Variants in EPC2 observed in about 807,000 individuals in gnomAD.
EPC2 encodes the protein enhancer of polycomb 2.
EPC2 carries 14 observed loss-of-function variants against 92.1 expected under a neutral mutation model. The ratio of observed to expected loss-of-function variants is 0.15; its 90% CI spans 0.10 to 0.24. EPC2 has a LOEUF of 0.24. Ranked by LOEUF, EPC2 falls within the 10% of genes least tolerant of loss-of-function variation. The probability of loss-of-function intolerance (pLI) is 1.00; values close to 1 mark genes in which losing one functional copy is unlikely to be tolerated. For synonymous variants in EPC2, 340 were observed against 334.7 expected (o/e 1.02, Z -0.17); for missense variants, 755 against 971.5 (o/e 0.78, Z 2.96).
At chr2:148,669,050 T>C (rs1681105963) in intron 1 of EPC2, among the ~76,000 whole-genome samples, 1 of 152,194 alleles carries the variant, frequency 6.6e-6, no homozygotes, top group South Asian at 2.1e-4. Flanking sequence ...CCTGTTGTAT[T>C]TTCATTTAGT....
chr2:148,710,567 C>G (rs1375422194), intron 2 of EPC2, among the ~76,000 whole-genome samples: 2 of 152,182 alleles, frequency 1.3e-5, no homozygotes, highest in South Asian at 2.1e-4. Flanking sequence ...TATTGTGGCA[C>G]TTTTCACAGT....
chr2:148,767,311 CAT>C (rs922011536), intron 7 of EPC2, among the ~76,000 whole-genome samples: 1 of 152,020 alleles, frequency 6.6e-6, no homozygotes, highest in Non-Finnish European at 1.5e-5. Flanking sequence ...CATAACTACT[CAT>C]ATGTTTCTCA....
chr2:148,691,624 T>G (rs1296526078), intron 2 of EPC2: 1 of 1,550,052 alleles, frequency 6.5e-7, no homozygotes, highest in South Asian at 1.2e-5. Flanking sequence ...CTGCCAGGCA[T>G]TTGGGGACAC....
At chr2:148,737,343 A>G (rs1385906838) in intron 2 of EPC2, among the ~76,000 whole-genome samples, 1 of 152,122 alleles carries the variant, frequency 6.6e-6, no homozygotes, top group Non-Finnish European at 1.5e-5. Flanking sequence ...TAAAAGTCCT[A>G]TCTATAAAAT....
intron 10 of EPC2, among the ~76,000 whole-genome samples, chr2:148,776,856 C>CTTTTTTTTTTTTTT (rs56073706): frequency 2.4e-4 from 24 of 101,026 alleles, no homozygotes; most frequent in East Asian, 6.8e-4. Flanking sequence ...GTCTCTCTCT[C>CTTTTTTTTTTTTTT]TTTTTTTTTT....
intron 4 of EPC2, among the ~76,000 whole-genome samples, chr2:148,757,134 T>C (rs1683206210): frequency 6.6e-6 from 1 of 152,118 alleles, no homozygotes; most frequent in East Asian, 1.9e-4. Context: ...CCCAGCACTT[T>C]CGGAGACTGA....
At chr2:148,724,235 T>G (rs1396202588) in intron 2 of EPC2, among the ~76,000 whole-genome samples, 1 of 152,072 alleles carries the variant, frequency 6.6e-6, no homozygotes, top group Admixed American at 6.6e-5. Flanking sequence ...TTTTTCTCAA[T>G]ATTTTTGTTT....
chr2:148,663,248 A>G (rs1680979631), intron 1 of EPC2, among the ~76,000 whole-genome samples: 1 of 120,710 alleles, frequency 8.3e-6, no homozygotes, highest in South Asian at 2.5e-4. Context: ...ATTTTGAGAC[A>G]GAGTCTCTCG....
intron 8 of EPC2, among the ~76,000 whole-genome samples, chr2:148,769,506 A>G (rs1259729651): frequency 6.6e-6 from 1 of 152,192 alleles, no homozygotes; most frequent in Non-Finnish European, 1.5e-5. Context: ...AGCAGCTGTG[A>G]AAATTACTCA....
chr2:148,785,296 CTA>C (rs898167137), intron 13 of EPC2, among the ~76,000 whole-genome samples: 4 of 152,044 alleles, frequency 2.6e-5, no homozygotes, highest in Non-Finnish European at 5.9e-5. Flanking sequence ...ACATCAGAGT[CTA>C]TGTTAGAAGC....
intron 2 of EPC2, among the ~76,000 whole-genome samples, chr2:148,707,915 C>T (rs544882813): frequency 6.6e-6 from 1 of 152,116 alleles, no homozygotes; most frequent in African/African-American, 2.4e-5. Flanking sequence ...AAAATTGACA[C>T]CCTAACATCA....
chr2:148,714,580 T>G (rs1682219355), intron 2 of EPC2, among the ~76,000 whole-genome samples: 2 of 152,162 alleles, frequency 1.3e-5, no homozygotes, highest in South Asian at 4.1e-4. Flanking sequence ...ATCTGTTGTT[T>G]TTTGACTTTT....
At chr2:148,712,336 C>T (rs1018241353) in intron 2 of EPC2, among the ~76,000 whole-genome samples, 1 of 152,052 alleles carries the variant, frequency 6.6e-6, no homozygotes, top group African/African-American at 2.4e-5. Flanking sequence ...TAATGCTTCA[C>T]AGGTTGTACA....
intron 7 of EPC2, among the ~76,000 whole-genome samples, chr2:148,768,341 A>T (rs1367546756): frequency 6.6e-6 from 1 of 152,206 alleles, no homozygotes; most frequent in African/African-American, 2.4e-5. Flanking sequence ...GTATTTGTAT[A>T]TTATTTAATC....
rs537080532 is a variant in EPC2 at position 148,714,176 on chromosome 2, T to C, written c.313+23803T>C. Among the ~76,000 whole-genome samples the C allele has an allele frequency of 2.0e-5, 3 of 152,044 alleles. No individual in the cohort carries two copies. The East Asian group carries it at 5.8e-4, about 29-fold the overall frequency. On this transcript the variant is annotated intron_variant, in intron 2 of 13. Coordinates refer to ENST00000258484, the MANE Select transcript of EPC2 (RefSeq NM_015630.4). The stretch of plus-strand genomic sequence containing the variant: ...GAACATGCAGTATTTGATTTTCTGT[T>C]TCTGTGTTAGTTTGCTAAGGATAAT...
intron 3 of EPC2, among the ~76,000 whole-genome samples, chr2:148,747,679 A>AT (rs1247451433): frequency 6.6e-6 from 1 of 152,112 alleles, no homozygotes; most frequent in Non-Finnish European, 1.5e-5. Flanking sequence ...TTCAACTTGT[A>AT]TCCTACTTAA....
In EPC2 at chr2:148,787,122, CTG is replaced by C. The variant is rs987678638; in HGVS notation, c.*748_*749del. 1.9e-4 allele frequency: 29 copies of C among 152,680 alleles called. 1 individual carries two copies. The South Asian group carries it at 2.1e-3, about 11-fold the overall frequency. 9.5% of individuals were successfully genotyped at this position (152,680 alleles called of 1,614,324 possible). ...AAATTATGCATCTAGCACATTTAAA[CTG>C]TGCAAATATGAAAATTTTTCGAGGA... On this transcript the variant is annotated 3_prime_UTR_variant, in exon 14 of 14. Transcript: ENST00000258484.
chr2:148,678,851 G>A (rs975020800), intron 1 of EPC2, among the ~76,000 whole-genome samples: 1 of 152,234 alleles, frequency 6.6e-6, no homozygotes, highest in Non-Finnish European at 1.5e-5. Context: ...GCAGCGGTGG[G>A]CTGAAGGGCT....
chr2:148,714,332 G>A (rs1183785553), intron 2 of EPC2, among the ~76,000 whole-genome samples: 3 of 152,082 alleles, frequency 2.0e-5, no homozygotes, highest in African/African-American at 7.2e-5. Context: ...CATTTAGGTT[G>A]ATTCCATGTC....
Sources: gnomAD v4.1 joint callset for allele counts (sites outside exome capture counted in the v4.1 genomes callset) on GRCh38, gnomAD v4.1.1 for gene constraint, MANE v1.5 for transcripts, NCBI Gene and HGNC (gene_info 2026-07-23, HGNC 2026-07-21) for gene names.